The following ZNF730 variants were observed in gnomAD, a reference collection of about 807,000 sequenced individuals.
ZNF730 encodes zinc finger protein 730.
ZNF730 carries 12 observed loss-of-function variants against 12.6 expected under a neutral mutation model. The ratio of observed to expected loss-of-function variants is 0.95; its 90% confidence interval spans 0.61 to 1.54. The LOEUF is 1.54. ZNF730 is among the 40% of genes most tolerant of loss of function. The probability of loss-of-function intolerance (pLI) is 0.00; values close to 1 mark genes in which losing one functional copy is unlikely to be tolerated. For missense variants in ZNF730, 643 were observed against 583.5 expected, an observed-to-expected ratio of 1.10 and a Z score of -1.05; for synonymous variants, 194 against 195.8, an observed-to-expected ratio of 0.99 and a Z score of 0.08.
intron 1 of ZNF730, among the ~76,000 whole-genome samples, chr19:23,129,979 G>A (rs1286659203): frequency 6.8e-6 from 1 of 146,956 alleles, no homozygotes; most frequent in African/African-American, 2.5e-5. Context: ...GGGTGCTGGA[G>A]CGAGACTCCG....
At chr19:23,117,023 CG>C, upstream of ZNF730, 1 of 1,184,272 alleles carries the variant, frequency 8.4e-7, no homozygotes, top group Non-Finnish European at 1.1e-6. Flanking sequence ...GGATTTGGCG[CG>C]GCCTTTGTTT....
intron 1 of ZNF730, among the ~76,000 whole-genome samples, chr19:23,077,351 C>A (rs1367281606): frequency 6.6e-6 from 1 of 151,178 alleles, no homozygotes; most frequent in Non-Finnish European, 1.5e-5. Context: ...CCGCCTTGGC[C>A]TCCCAATGTG....
chr19:23,109,293 A>G (rs1023302669), intron 1 of ZNF730, among the ~76,000 whole-genome samples: 2 of 151,272 alleles, frequency 1.3e-5, no homozygotes, highest in Non-Finnish European at 3.0e-5. Flanking sequence ...GCAGTGGTGC[A>G]ATCTTGGCTC....
chr19:23,145,221 CTATACTCAGTCT>C, intron 3 of ZNF730, 38 bp from the exon 4 acceptor site: 1 of 1,278,872 alleles, frequency 7.8e-7, no homozygotes. Flanking sequence ...GGTTTATAAA[CTATACTCAGTCT>C]AGTACATGCA....
intron 1 of ZNF730, among the ~76,000 whole-genome samples, chr19:23,087,773 G>A (rs141493932): frequency 0.046 from 6,915 of 151,404 alleles, 196 homozygotes; most frequent in Middle Eastern, 0.085. Flanking sequence ...GCGCCACCAC[G>A]CCTGGCTAAT....
At chr19:23,076,571 CT>C (rs1307764944) in intron 1 of ZNF730, among the ~76,000 whole-genome samples, 3 of 152,176 alleles carry the variant, frequency 2.0e-5, no homozygotes, top group Non-Finnish European at 4.4e-5. Flanking sequence ...ATATCATCCC[CT>C]GGGTCATTTC....
chr19:23,098,959 GAATT>G (rs1207749623), intron 1 of ZNF730, among the ~76,000 whole-genome samples: 1 of 152,178 alleles, frequency 6.6e-6, no homozygotes, highest in African/African-American at 2.4e-5. Context: ...AGGTTATAGA[GAATT>G]AATACTCTCG....
chr19:23,099,623 G>A (rs1970305939), intron 1 of ZNF730, among the ~76,000 whole-genome samples: 1 of 152,130 alleles, frequency 6.6e-6, no homozygotes, highest in African/African-American at 2.4e-5. Flanking sequence ...TAAGGCACAG[G>A]GTTTACAAGA....
chr19:23,141,969 A>C (rs1157079070), intron 3 of ZNF730, among the ~76,000 whole-genome samples: 1 of 151,628 alleles, frequency 6.6e-6, no homozygotes, highest in Non-Finnish European at 1.5e-5. Flanking sequence ...ATTGCTCTCT[A>C]TGTGTTTCTT....
chr19:23,078,614 G>A (rs553324803), intron 1 of ZNF730, among the ~76,000 whole-genome samples: 4 of 152,196 alleles, frequency 2.6e-5, no homozygotes, highest in South Asian at 4.2e-4. Flanking sequence ...CTCAGAGACC[G>A]GTGCTGGCAC....
upstream of ZNF730, among the ~76,000 whole-genome samples, chr19:23,114,407 C>T (rs1403107906): frequency 1.4e-5 from 2 of 146,782 alleles, no homozygotes; most frequent in African/African-American, 2.5e-5. Context: ...CCCGGGTTCT[C>T]GCCATTCTCC....
Position 23,079,143 on chromosome 19 carries a change from G to A in ZNF730, c.-94+3756G>A, listed in dbSNP as rs1969920041. On this transcript the variant is annotated intron_variant, in intron 1 of 2. Coordinates refer to the ZNF730 transcript ENST00000593635. ...TTTTAATCAATGTTGTCCCTGCTTT[G>A]TTTATGACACAATTTTTTCTAGGTT... 2.0e-5 allele frequency among the ~76,000 whole-genome samples: 3 copies of A among 152,060 alleles called. No homozygotes were observed. In the South Asian group the frequency reaches 6.2e-4, roughly 32 times the overall value.
At chr19:23,081,919 A>G (rs941442961) in intron 1 of ZNF730, among the ~76,000 whole-genome samples, 2 of 151,956 alleles carry the variant, frequency 1.3e-5, no homozygotes, top group African/African-American at 4.8e-5. Flanking sequence ...TGCCATGTCT[A>G]TTTATTTTTT....
intron 1 of ZNF730, 106 bp downstream of exon 1, chr19:23,117,282 CTG>C (rs1207381432): frequency 5.7e-6 from 9 of 1,591,378 alleles, no homozygotes; most frequent in Admixed American, 1.7e-5. Flanking sequence ...GCTTCACAAT[CTG>C]CGCCCAGAGT....
upstream of ZNF730, among the ~76,000 whole-genome samples, chr19:23,114,513 T>TTTTTATTTTTA (rs1261050178): frequency 3.0e-5 from 1 of 33,448 alleles, no homozygotes; most frequent in Non-Finnish European, 1.1e-4. Flanking sequence ...ATTTTATTTA[T>TTTTTATTTTTA]TTTTATTTAT....
chr19:23,120,109 C>T (rs1970581144), intron 1 of ZNF730, among the ~76,000 whole-genome samples: 1 of 151,832 alleles, frequency 6.6e-6, no homozygotes, highest in Non-Finnish European at 1.5e-5. Context: ...GTTCTCCTGC[C>T]TCAGCCTCCC....
chr19:23,142,687 CAAAAAAAA>C, intron 3 of ZNF730, among the ~76,000 whole-genome samples: 1 of 75,586 alleles, frequency 1.3e-5, no homozygotes, highest in South Asian at 5.0e-4. Flanking sequence ...GACTCTGTCT[CAAAAAAAA>C]AAAAAAAAAA....
At chr19:23,127,751 T>C in intron 1 of ZNF730, 1 of 1,015,274 alleles carries the variant, frequency 9.8e-7, no homozygotes, top group Non-Finnish European at 1.6e-6. Flanking sequence ...TCCACAGTTC[T>C]CTTCCTGAGA....
chr19:23,141,856 T>A (rs893756150), intron 3 of ZNF730, among the ~76,000 whole-genome samples: 3 of 152,208 alleles, frequency 2.0e-5, no homozygotes, highest in African/African-American at 7.2e-5. Flanking sequence ...TTGTTAGGAA[T>A]AATTGTTTTA....
Sources: allele counts gnomAD v4.1 joint callset (sites outside exome capture counted in the v4.1 genomes callset), GRCh38; gene constraint gnomAD v4.1.1; transcripts MANE v1.5; gene names NCBI Gene and HGNC (gene_info 2026-07-23, HGNC 2026-07-21).